Variants in CRACD observed in about 807,000 individuals in gnomAD.
CRACD encodes the protein capping protein-inhibiting regulator of actin dynamics.
Under a neutral mutation model 106.8 loss-of-function variants are expected in CRACD, and 56 were observed. The observed-to-expected ratio is 0.52, with a 90% CI of 0.42 to 0.66. The LOEUF is 0.66. CRACD is among the 30% of genes least tolerant of loss of function. CRACD has a pLI of 0.00. For missense variants in CRACD, 1,730 were observed against 1,623.2 expected, an observed-to-expected ratio of 1.07 and a Z score of -1.13; for synonymous variants, 754 against 670.8, an observed-to-expected ratio of 1.12 and a Z score of -1.92.
chr4:56,082,122 C>G (rs1357728052), intron 1 of CRACD, among the ~76,000 whole-genome samples: 1 of 152,124 alleles, frequency 6.6e-6, no homozygotes, highest in East Asian at 1.9e-4. Flanking sequence ...GATAGAGTTG[C>G]CTCTAGAGAC....
At chr4:56,164,642 C>T (rs1736075240) in intron 1 of CRACD, among the ~76,000 whole-genome samples, 1 of 151,920 alleles carries the variant, frequency 6.6e-6, no homozygotes, top group African/African-American at 2.4e-5. Flanking sequence ...CAGTGGGTAC[C>T]AGAGGTTGGG....
chr4:56,309,988 C>T (rs995827533), intron 5 of CRACD, among the ~76,000 whole-genome samples: 3 of 148,266 alleles, frequency 2.0e-5, no homozygotes, highest in Non-Finnish European at 4.5e-5. Context: ...AGCTGTACTC[C>T]AGCCTGGGAG....
chr4:56,235,608 C>T (rs376178991), intron 2 of CRACD, among the ~76,000 whole-genome samples: 18 of 152,262 alleles, frequency 1.2e-4, no homozygotes, highest in South Asian at 2.1e-4. Flanking sequence ...GAAAGTCATA[C>T]GCTACATGCT....
intron 1 of CRACD, among the ~76,000 whole-genome samples, chr4:56,086,679 G>A (rs2109814586): frequency 6.6e-6 from 1 of 152,130 alleles, no homozygotes; most frequent in Non-Finnish European, 1.5e-5. Context: ...TGGCAGTCAG[G>A]AAGTGTCCAG....
chr4:56,161,924 C>A (rs1735974190), intron 1 of CRACD, among the ~76,000 whole-genome samples: 1 of 151,896 alleles, frequency 6.6e-6, no homozygotes, highest in African/African-American at 2.4e-5. Context: ...CCACCATACC[C>A]AGCTAATTTT....
At chr4:56,147,831 A>G (rs985157885) in intron 1 of CRACD, among the ~76,000 whole-genome samples, 2 of 152,146 alleles carry the variant, frequency 1.3e-5, no homozygotes, top group African/African-American at 4.8e-5. Context: ...CATTATAGCC[A>G]TCTGTTATGT....
intron 3 of CRACD, among the ~76,000 whole-genome samples, chr4:56,273,781 C>T (rs1021823595): frequency 2.6e-5 from 4 of 152,270 alleles, no homozygotes; most frequent in Non-Finnish European, 5.9e-5. Context: ...TTTCATTCAG[C>T]CTTGTATTAC....
At chr4:56,076,045 A>G (rs535159298) in intron 1 of CRACD, among the ~76,000 whole-genome samples, 1 of 152,330 alleles carries the variant, frequency 6.6e-6, no homozygotes, top group Non-Finnish European at 1.5e-5. Context: ...TTGAAATCCT[A>G]ACCCCAAGTA....
chr4:56,195,430 G>A (rs4143119), intron 2 of CRACD, among the ~76,000 whole-genome samples: 55,920 of 151,850 alleles, frequency 0.37, 11,010 homozygotes, highest in East Asian at 0.71. Flanking sequence ...TAGAAAAAGT[G>A]TAAGAAAGAC....
chr4:56,187,320 C>T (rs555460249), intron 2 of CRACD, among the ~76,000 whole-genome samples: 3 of 152,170 alleles, frequency 2.0e-5, no homozygotes, highest in South Asian at 2.1e-4. Flanking sequence ...AGGTGTCATT[C>T]GAGCTGTCTT....
chr4:56,169,922 T>C (rs1397366241), intron 1 of CRACD, among the ~76,000 whole-genome samples: 3 of 152,156 alleles, frequency 2.0e-5, no homozygotes, highest in Non-Finnish European at 2.9e-5. Flanking sequence ...ATCAGTTTAC[T>C]CATATGTAAT....
chr4:56,219,387 G>T (rs758204419), intron 2 of CRACD, among the ~76,000 whole-genome samples: 8 of 151,952 alleles, frequency 5.3e-5, no homozygotes, highest in African/African-American at 1.7e-4. Context: ...TTGCTCTTTC[G>T]CCCAGGCTGG....
chr4:56,230,404 T>C (rs1326840434), intron 2 of CRACD, among the ~76,000 whole-genome samples: 1 of 151,164 alleles, frequency 6.6e-6, no homozygotes, highest in Admixed American at 6.6e-5. Context: ...AAACAACATG[T>C]ACTGAGCACT....
chr4:56,298,369 G>C lies in CRACD; in HGVS notation c.120+20G>C. 3.1e-6 allele frequency: 5 copies of C among 1,612,796 alleles called. No homozygotes were observed. Among genetic ancestry groups the C allele is most frequent in the Non-Finnish European group, 3.4e-6 (4 of 1,179,402 alleles). ...CTTCAGGTAAGACAGCTTGAGAGTG[G>C]AATTACGAGCCATAGGAGGGGCCCA... On this transcript the variant is annotated intron_variant, in intron 4 of 10. Coordinates refer to ENST00000682029, the MANE Select transcript of CRACD (RefSeq NM_001393381.1).
At chr4:56,248,078 G>T (rs1467289358) in intron 2 of CRACD, among the ~76,000 whole-genome samples, 1 of 152,162 alleles carries the variant, frequency 6.6e-6, no homozygotes, top group Non-Finnish European at 1.5e-5. Context: ...GGGACTGTGG[G>T]ATCCCACTAG....
chr4:56,267,425 T>A (rs965557555), intron 2 of CRACD, among the ~76,000 whole-genome samples: 7 of 152,138 alleles, frequency 4.6e-5, no homozygotes, highest in African/African-American at 1.7e-4. Flanking sequence ...CCTGGCCAAT[T>A]TATTTAAGAT....
chr4:56,282,641 C>A (rs1375676511), intron 3 of CRACD, among the ~76,000 whole-genome samples: 1 of 152,178 alleles, frequency 6.6e-6, no homozygotes, highest in East Asian at 1.9e-4. Flanking sequence ...ATCTGAGTCC[C>A]TTTTTCTCTG....
intron 10 of CRACD, among the ~76,000 whole-genome samples, chr4:56,326,470 A>G (rs1252194829): frequency 2.0e-5 from 3 of 152,256 alleles, no homozygotes; most frequent in South Asian, 2.1e-4. Context: ...GAGTGGCTCT[A>G]GCTTAATAAA....
chr4:56,146,681 A>C (rs759580922), intron 1 of CRACD, among the ~76,000 whole-genome samples: 23 of 151,786 alleles, frequency 1.5e-4, no homozygotes, highest in Non-Finnish European at 2.9e-4. Context: ...TATATTTGAC[A>C]ATGATATATT....
Sources: gnomAD v4.1 joint callset for allele counts (sites outside exome capture counted in the v4.1 genomes callset) on GRCh38, gnomAD v4.1.1 for gene constraint, MANE v1.5 for transcripts, NCBI Gene and HGNC (gene_info 2026-07-23, HGNC 2026-07-21) for gene names.